SCFD2: variants seen among roughly 807,000 people sequenced by gnomAD.
SCFD2 encodes sec1 family domain containing 2, also known as sec1 family domain-containing protein 2.
SCFD2 carries 54 observed loss-of-function variants against 58.9 expected under a neutral mutation model. The observed-to-expected ratio is 0.92, with a 90% CI of 0.74 to 1.15. The LOEUF is 1.15. SCFD2 is among the 50% of genes most tolerant of loss of function. The pLI is 0.00. For missense variants in SCFD2, 805 were observed against 836.6 expected (o/e 0.96, Z 0.47); for synonymous variants, 321 against 335.9 (o/e 0.96, Z 0.49).
chr4:52,955,551 G>A (rs999067179), intron 5 of SCFD2, among the ~76,000 whole-genome samples: 2 of 152,162 alleles, frequency 1.3e-5, no homozygotes, highest in African/African-American at 4.8e-5. Flanking sequence ...GCACAGAGGG[G>A]TTAAGTGATT....
At chr4:53,251,192 G>T (rs892712722) in intron 4 of SCFD2, among the ~76,000 whole-genome samples, 7 of 152,176 alleles carry the variant, frequency 4.6e-5, no homozygotes, top group African/African-American at 1.4e-4. Context: ...GGAAGAAGTT[G>T]AATCTCTGAA....
chr4:52,995,038 C>T (rs1030055070), intron 5 of SCFD2, among the ~76,000 whole-genome samples: 6 of 152,088 alleles, frequency 3.9e-5, no homozygotes, highest in Non-Finnish European at 8.8e-5. Flanking sequence ...AGGGGGGTGG[C>T]ATGGGGATGG....
rs999984983 is a variant in SCFD2 at position 52,957,817 on chromosome 4, C to T, written c.1562-36947G>A. 5.3e-5 allele frequency: 8 copies of T among 152,180 alleles called. No individual in the cohort carries two copies. The East Asian group carries it at 5.8e-4, about 11-fold the overall frequency. 9.4% of individuals were successfully genotyped at this position (152,180 alleles called of 1,614,324 possible). A position where few individuals can be genotyped will look rare whatever the true frequency, so the allele number is the denominator to read the frequency against. The stretch of plus-strand genomic sequence containing the variant: ...ACCCCAGGTTTAGATGAAAAACTAA[C>T]GCTGATAGAGGTATGTGTTTACATC... On this transcript the variant is annotated intron_variant, in intron 5 of 8. Coordinates refer to ENST00000401642, the MANE Select transcript of SCFD2 (RefSeq NM_152540.4).
rs573761604 is a variant in SCFD2, at chr4:52,893,276, G to A, written c.1843-7410C>T. Reference sequence around the variant, plus strand: ...TTTCTTTCTTTCATCTTGCTATGTTGCCCAAGCTAGTTTCAAACTCCTGGG... The same window carrying A: ...TTTCTTTCTTTCATCTTGCTATGTTACCCAAGCTAGTTTCAAACTCCTGGG... On this transcript the variant is annotated intron_variant, in intron 7 of 8. Coordinates refer to ENST00000401642, the MANE Select transcript of SCFD2 (RefSeq NM_152540.4). Among the ~76,000 whole-genome samples the A allele has an allele frequency of 1.1e-4, 17 of 148,894 alleles. No individual in the cohort carries two copies. The South Asian group carries it at 3.6e-3, about 32-fold the overall frequency.
Position 53,338,598 on chromosome 4 carries a change from T to G in SCFD2, c.1007+14000A>C, listed in dbSNP as rs11932023. Among the ~76,000 whole-genome samples the G allele has an allele frequency of 6.8e-5, 9 of 132,362 alleles. 1 individual carries two copies. The highest frequency in any genetic ancestry group is 1.5e-4 in the Non-Finnish European group (9 of 61,490). 86.8% of individuals were successfully genotyped at this position (132,362 alleles called of 152,430 possible). On this transcript the variant is annotated intron_variant, in intron 2 of 8. Coordinates refer to ENST00000401642, the MANE Select transcript of SCFD2 (RefSeq NM_152540.4). ...TTCTTTTTTTTTTTTTTTTTTTTTG[T>G]GAGATGGAGTCTCGCTCTGTCGCCC...
intron 4 of SCFD2, among the ~76,000 whole-genome samples, chr4:53,180,076 A>G (rs1047850444): frequency 4.6e-5 from 7 of 152,310 alleles, no homozygotes; most frequent in Middle Eastern, 3.4e-3. Flanking sequence ...CCCACTGTCA[A>G]CATTAGACAG....
chr4:53,233,962 C>T (rs1365013663), intron 4 of SCFD2, among the ~76,000 whole-genome samples: 3 of 152,118 alleles, frequency 2.0e-5, no homozygotes, highest in Admixed American at 6.6e-5. Context: ...GGAAACAATG[C>T]ATTTCAGTAA....
chr4:53,020,519 C>T (rs28713187), intron 5 of SCFD2, among the ~76,000 whole-genome samples: 20,026 of 152,136 alleles, frequency 0.13, 2,089 homozygotes, highest in African/African-American at 0.29. Flanking sequence ...TCACTAAATC[C>T]TAATCATTCA....
chr4:52,901,496 A>G (rs539782341), intron 7 of SCFD2, among the ~76,000 whole-genome samples: 6 of 152,302 alleles, frequency 3.9e-5, no homozygotes, highest in African/African-American at 1.2e-4. Context: ...GCCATATTGC[A>G]AGAAAGCTTG....
chr4:52,929,685 C>T (rs771184994), intron 5 of SCFD2, among the ~76,000 whole-genome samples: 3 of 152,286 alleles, frequency 2.0e-5, no homozygotes, highest in Middle Eastern at 3.4e-3. Context: ...GCCCAGAAAG[C>T]GGGAATCCTG....
chr4:53,014,877 A>T (rs1722174063), intron 5 of SCFD2, among the ~76,000 whole-genome samples: 1 of 152,226 alleles, frequency 6.6e-6, no homozygotes, highest in Non-Finnish European at 1.5e-5. Context: ...ACAACCAAAA[A>T]ATGGTTAGAG....
At chr4:53,299,035 C>T (rs1235455155) in intron 3 of SCFD2, among the ~76,000 whole-genome samples, 4 of 152,146 alleles carry the variant, frequency 2.6e-5, no homozygotes, top group South Asian at 2.1e-4. Context: ...AAAATCAGAG[C>T]GCTTCTACTC....
At chr4:53,096,201 G>A (rs568629962) in intron 5 of SCFD2, among the ~76,000 whole-genome samples, 34 of 152,202 alleles carry the variant, frequency 2.2e-4, no homozygotes, top group South Asian at 4.1e-4. Context: ...TCTTTATAGC[G>A]GCATGATTTA....
chr4:52,894,515 G>A (rs1283108821), intron 7 of SCFD2, among the ~76,000 whole-genome samples: 1 of 152,192 alleles, frequency 6.6e-6, no homozygotes, highest in Non-Finnish European at 1.5e-5. Flanking sequence ...GTAGGGAGAG[G>A]GGTAAGGTAT....
intron 5 of SCFD2, among the ~76,000 whole-genome samples, chr4:53,107,741 C>A (rs959916943): frequency 6.6e-6 from 1 of 152,174 alleles, no homozygotes; most frequent in East Asian, 1.9e-4. Flanking sequence ...TCTTACAGAT[C>A]TGCAAAGAGA....
intron 4 of SCFD2, among the ~76,000 whole-genome samples, chr4:53,243,480 C>T (rs1729965965): frequency 6.6e-6 from 1 of 151,846 alleles, no homozygotes; most frequent in Non-Finnish European, 1.5e-5. Context: ...CTGAAAAAAA[C>T]ACTAAATATG....
chr4:53,353,552 T>G (rs1734305436), intron 1 of SCFD2, among the ~76,000 whole-genome samples: 1 of 152,170 alleles, frequency 6.6e-6, no homozygotes, highest in South Asian at 2.1e-4. Flanking sequence ...GAGAGCTAAT[T>G]GGTCCATTTA....
intron 5 of SCFD2, among the ~76,000 whole-genome samples, chr4:52,925,140 C>A (rs956192362): frequency 6.6e-6 from 1 of 152,008 alleles, no homozygotes; most frequent in Non-Finnish European, 1.5e-5. Context: ...TTAAGTAACA[C>A]AAACTCACTC....
At chr4:53,086,927 T>C (rs1209400954) in intron 5 of SCFD2, among the ~76,000 whole-genome samples, 3 of 151,926 alleles carry the variant, frequency 2.0e-5, no homozygotes, top group Non-Finnish European at 4.4e-5. Context: ...GGTTAATATG[T>C]AGGAAAAAAG....
Sources: allele counts gnomAD v4.1 joint callset (sites outside exome capture counted in the v4.1 genomes callset), GRCh38; gene constraint gnomAD v4.1.1; transcripts MANE v1.5; gene names NCBI Gene and HGNC (gene_info 2026-07-23, HGNC 2026-07-21).